PDE4D: variants seen among roughly 807,000 people sequenced by gnomAD.
The protein encoded by PDE4D is 3',5'-cyclic-AMP phosphodiesterase 4D.
PDE4D carries 24 observed loss-of-function variants against 87.4 expected under a neutral mutation model. The observed-to-expected ratio is 0.27, with a 90% CI of 0.20 to 0.39. The LOEUF is 0.39. PDE4D is among the 10% of genes least tolerant of loss of function. PDE4D has a pLI of 1.00. For synonymous variants in PDE4D, 384 were observed against 383.2 expected (o/e 1.00, Z -0.02); for missense variants, 714 against 1,041.0 (o/e 0.69, Z 4.32).
At chr5:59,674,122 A>G (rs977871710) in intron 1 of PDE4D, among the ~76,000 whole-genome samples, 3 of 152,202 alleles carry the variant, frequency 2.0e-5, no homozygotes, top group Non-Finnish European at 4.4e-5. Flanking sequence ...AATAAATAGC[A>G]TACTATTTAG....
At chr5:59,408,656 G>A (rs1294390838) in intron 1 of PDE4D, among the ~76,000 whole-genome samples, 4 of 152,222 alleles carry the variant, frequency 2.6e-5, no homozygotes, top group Non-Finnish European at 5.9e-5. Context: ...CAGTCATGGA[G>A]GCTTCACCTT....
chr5:60,313,051 C>A (rs1205056847), intron 1 of PDE4D, among the ~76,000 whole-genome samples: 1 of 151,740 alleles, frequency 6.6e-6, no homozygotes, highest in East Asian at 1.9e-4. Context: ...CAAAAGCTAG[C>A]AGAGGAAAGG....
intron 1 of PDE4D, among the ~76,000 whole-genome samples, chr5:59,638,284 C>G (rs1315127957): frequency 6.6e-6 from 1 of 152,098 alleles, no homozygotes; most frequent in Non-Finnish European, 1.5e-5. Context: ...TTCATAAAAG[C>G]ATTTCTATAA....
intron 1 of PDE4D, among the ~76,000 whole-genome samples, chr5:60,503,619 T>A (rs1750196039): frequency 6.6e-6 from 1 of 152,168 alleles, no homozygotes; most frequent in African/African-American, 2.4e-5. Context: ...TACTGGTATG[T>A]TTATTATTCA....
chr5:59,151,502 G>A (rs1581079745), intron 5 of PDE4D, among the ~76,000 whole-genome samples: 1 of 152,212 alleles, frequency 6.6e-6, no homozygotes, highest in Middle Eastern at 3.4e-3. Flanking sequence ...CATAGAAGGA[G>A]GCATTATCTT....
chr5:59,677,787 C>T (rs577158468), intron 1 of PDE4D, among the ~76,000 whole-genome samples: 1 of 152,150 alleles, frequency 6.6e-6, no homozygotes, highest in Non-Finnish European at 1.5e-5. Context: ...CATTCCAATA[C>T]CCAGTGAGTT....
At chr5:59,401,495 C>A (rs940130421) in intron 1 of PDE4D, among the ~76,000 whole-genome samples, 3 of 86,034 alleles carry the variant, frequency 3.5e-5, no homozygotes, top group African/African-American at 1.4e-4. Flanking sequence ...TATTTTGATC[C>A]CATGGGGGAG....
upstream of PDE4D, chr5:60,489,859 A>C (rs1179930054): frequency 6.6e-6 from 1 of 152,104 alleles, no homozygotes; most frequent in Non-Finnish European, 1.5e-5. Flanking sequence ...TTGAACTCCC[A>C]TGTTCAAATC....
intron 1 of PDE4D, among the ~76,000 whole-genome samples, chr5:60,439,977 A>T (rs1179114968): frequency 6.6e-6 from 1 of 151,480 alleles, no homozygotes; most frequent in Non-Finnish European, 1.5e-5. Flanking sequence ...AGTTCCAGTG[A>T]CCTATCCTAT....
chr5:59,470,809 T>C (rs1287400752), intron 1 of PDE4D, among the ~76,000 whole-genome samples: 1 of 152,190 alleles, frequency 6.6e-6, no homozygotes, highest in Non-Finnish European at 1.5e-5. Flanking sequence ...TTCACAAATT[T>C]AATTCTATAT....
chr5:59,268,710 C>T (rs1763275343), intron 1 of PDE4D, among the ~76,000 whole-genome samples: 1 of 152,068 alleles, frequency 6.6e-6, no homozygotes. Context: ...GCTAATATCC[C>T]TCAGGCCCTA....
chr5:59,195,580 T>C (rs2112957), intron 2 of PDE4D, among the ~76,000 whole-genome samples: 128,048 of 152,206 alleles, frequency 0.84, 54,661 homozygotes, highest in Non-Finnish European at 0.9. Flanking sequence ...ACTTGGATTT[T>C]ACTCTCTGAT....
intron 1 of PDE4D, among the ~76,000 whole-genome samples, chr5:59,675,598 G>T (rs1263416025): frequency 6.6e-6 from 1 of 152,122 alleles, no homozygotes; most frequent in Non-Finnish European, 1.5e-5. Flanking sequence ...TGAATGTGGA[G>T]ATGCTCTTGG....
chr5:59,095,408 G>A (rs1328085153), intron 5 of PDE4D, among the ~76,000 whole-genome samples: 1 of 151,684 alleles, frequency 6.6e-6, no homozygotes, highest in Non-Finnish European at 1.5e-5. Context: ...TTTTACAAAG[G>A]ATATGGTTTA....
At chr5:59,639,901 G>A (rs1293898501) in intron 1 of PDE4D, among the ~76,000 whole-genome samples, 2 of 150,164 alleles carry the variant, frequency 1.3e-5, no homozygotes, top group Non-Finnish European at 1.5e-5. Context: ...TTGTTGTCCA[G>A]TCACTGCATT....
chr5:60,472,341 G>A (rs899616461), intron 1 of PDE4D, among the ~76,000 whole-genome samples: 6 of 152,126 alleles, frequency 3.9e-5, no homozygotes, highest in Admixed American at 6.5e-5. Flanking sequence ...AGCAAAGCCT[G>A]ATTCCAACCC....
chr5:59,893,237 T>C lies in PDE4D; in HGVS notation c.386A>G (p.Glu129Gly). Residue 129 changes from glutamate to glycine, a missense_variant, in exon 1 of 15, where the codon GAG becomes GGG. Coordinates refer to ENST00000340635, the MANE Select transcript of PDE4D (RefSeq NM_001104631.2). ...RAMDRTSYAV[E>G]TGHRPGLKKS... ...CTTCAGGCCGGGCCGGTGGCCGGTC[T>C]CCACCGCGTAGGAGGTGCGGTCCAT... The C allele has an allele frequency of 1.9e-6, 3 of 1,557,960 alleles. No homozygotes were observed. Among genetic ancestry groups the C allele is most frequent in the Non-Finnish European group, 2.6e-6 (3 of 1,150,598 alleles).
At chr5:59,484,767 T>C (rs3852147) in intron 1 of PDE4D, among the ~76,000 whole-genome samples, 49,292 of 152,100 alleles carry the variant, frequency 0.32, 12,573 homozygotes, top group African/African-American at 0.72. Flanking sequence ...TAGTTTAAGC[T>C]TCAATTCTGA....
intron 1 of PDE4D, among the ~76,000 whole-genome samples, chr5:59,574,954 A>G (rs1239230932): frequency 6.6e-6 from 1 of 152,178 alleles, no homozygotes; most frequent in Non-Finnish European, 1.5e-5. Flanking sequence ...TGTGATTATA[A>G]CCACTATACT....
Sources: allele counts gnomAD v4.1 joint callset (sites outside exome capture counted in the v4.1 genomes callset), GRCh38; gene constraint gnomAD v4.1.1; transcripts MANE v1.5; gene names NCBI Gene and HGNC (gene_info 2026-07-23, HGNC 2026-07-21).